SETBP1: variants seen among roughly 807,000 people sequenced by gnomAD.
SETBP1 encodes the protein SET-binding protein.
Under a neutral mutation model 101.0 loss-of-function variants are expected in SETBP1, and 9 were observed. The observed-to-expected ratio is 0.09, with a 90% confidence interval of 0.05 to 0.16. The LOEUF (loss-of-function observed/expected upper bound fraction) is 0.16, where lower values mean the gene tolerates loss of function less well. Ranked by LOEUF, SETBP1 falls within the 10% of genes least tolerant of loss-of-function variation. SETBP1 has a pLI of 1.00. For missense variants in SETBP1, 1,858 were observed against 2,033.8 expected (o/e 0.91, Z 1.66); for synonymous variants, 818 against 788.5 (o/e 1.04, Z -0.63).
At chr18:44,790,522 C>A in intron 2 of SETBP1, among the ~76,000 whole-genome samples, 1 of 152,182 alleles carries the variant, frequency 6.6e-6, no homozygotes, top group Non-Finnish European at 1.5e-5. Context: ...AACTGAGAAC[C>A]TTACTCCTTT....
At chr18:44,966,024 G>T (rs2071713897) in intron 4 of SETBP1, among the ~76,000 whole-genome samples, 1 of 152,170 alleles carries the variant, frequency 6.6e-6, no homozygotes, top group South Asian at 2.1e-4. Flanking sequence ...ATCAAACAAA[G>T]CTCGATTGCA....
intron 5 of SETBP1, among the ~76,000 whole-genome samples, chr18:45,039,393 G>T (rs1283862568): frequency 1.3e-5 from 2 of 152,112 alleles, no homozygotes; most frequent in East Asian, 3.9e-4. Context: ...CAGGCCTTGG[G>T]TTTGGCTTAA....
chr18:44,758,507 C>T (rs1236354085), intron 2 of SETBP1, among the ~76,000 whole-genome samples: 4 of 151,942 alleles, frequency 2.6e-5, no homozygotes, highest in South Asian at 4.2e-4. Flanking sequence ...CTCAGCCTCC[C>T]GAGTAGCTGG....
chr18:44,737,787 G>A (rs2070003016), intron 2 of SETBP1, among the ~76,000 whole-genome samples: 1 of 152,226 alleles, frequency 6.6e-6, no homozygotes, highest in African/African-American at 2.4e-5. Flanking sequence ...CCTTAGAAGT[G>A]TAGTTGTGTT....
chr18:44,716,717 C>T (rs565913720), intron 2 of SETBP1, among the ~76,000 whole-genome samples: 2 of 152,270 alleles, frequency 1.3e-5, no homozygotes, highest in South Asian at 4.1e-4. Flanking sequence ...CATTTGCCAC[C>T]ATGCCCGGCT....
At chr18:45,059,105 C>T (rs949325360) in intron 5 of SETBP1, among the ~76,000 whole-genome samples, 3 of 152,068 alleles carry the variant, frequency 2.0e-5, no homozygotes, top group African/African-American at 7.2e-5. Flanking sequence ...CAGACATATA[C>T]CAAAGTAGAC....
intron 2 of SETBP1, among the ~76,000 whole-genome samples, chr18:44,847,504 G>A (rs903404239): frequency 3.3e-5 from 5 of 152,208 alleles, no homozygotes; most frequent in Non-Finnish European, 7.3e-5. Context: ...GTGTGAGGAA[G>A]TGGGAATGGC....
chr18:44,794,501 G>A (rs62090586), intron 2 of SETBP1, among the ~76,000 whole-genome samples: 9,097 of 152,222 alleles, frequency 0.06, 367 homozygotes, highest in East Asian at 0.14. Flanking sequence ...CAATGAGATC[G>A]TAATTCAGAG....
intron 4 of SETBP1, among the ~76,000 whole-genome samples, chr18:45,001,105 C>G (rs886778688): frequency 2.6e-5 from 4 of 152,156 alleles, no homozygotes; most frequent in Admixed American, 2.6e-4. Context: ...TCCTCCGAAT[C>G]CAACACACTA....
In SETBP1 at chr18:44,840,115, C is replaced by G. The variant is rs375783328; in HGVS notation, c.487-29115C>G. Among the ~76,000 whole-genome samples, 75 of 151,142 alleles carry G rather than the reference C, an allele frequency of 5.0e-4. No homozygotes were observed. In the South Asian group the frequency reaches 5.2e-3, roughly 10 times the overall value. On this transcript the variant is annotated intron_variant, in intron 2 of 5. Coordinates refer to ENST00000649279, the MANE Select transcript of SETBP1 (RefSeq NM_015559.3). ...TGTTCATGATTTAGGGACAGAGCAC[C>G]CTGCACCCTGCCATGTGTACACTTC... is the stretch of plus-strand genomic sequence containing the variant.
intron 2 of SETBP1, among the ~76,000 whole-genome samples, chr18:44,851,108 G>C (rs1040842576): frequency 6.6e-6 from 1 of 152,094 alleles, no homozygotes; most frequent in Non-Finnish European, 1.5e-5. Flanking sequence ...GGCACATATT[G>C]TCATCATCAT....
chr18:44,873,664 G>T (rs542666807), intron 3 of SETBP1, among the ~76,000 whole-genome samples: 1 of 152,232 alleles, frequency 6.6e-6, no homozygotes, highest in African/African-American at 2.4e-5. Flanking sequence ...TTTAATTGTG[G>T]AGCCTCAGAG....
At chr18:44,710,773 A>G (rs1203209155) in intron 2 of SETBP1, among the ~76,000 whole-genome samples, 1 of 152,186 alleles carries the variant, frequency 6.6e-6, no homozygotes, top group Non-Finnish European at 1.5e-5. Flanking sequence ...TATCTGCAAT[A>G]AACTAAAAAT....
chr18:44,713,405 G>C (rs1437863017), intron 2 of SETBP1, among the ~76,000 whole-genome samples: 1 of 152,108 alleles, frequency 6.6e-6, no homozygotes, highest in Non-Finnish European at 1.5e-5. Flanking sequence ...ATTGCACTAG[G>C]CATCCCTTTT....
intron 3 of SETBP1, among the ~76,000 whole-genome samples, chr18:44,895,977 C>T (rs1421393600): frequency 6.6e-6 from 1 of 152,152 alleles, no homozygotes; most frequent in Non-Finnish European, 1.5e-5. Flanking sequence ...TCACCCCACC[C>T]TCCTTACACA....
chr18:45,055,656 A>C (rs1052302037), intron 5 of SETBP1, among the ~76,000 whole-genome samples: 1 of 152,192 alleles, frequency 6.6e-6, no homozygotes, highest in African/African-American at 2.4e-5. Flanking sequence ...TTTCACATAC[A>C]CGTAGATTCA....
intron 3 of SETBP1, among the ~76,000 whole-genome samples, chr18:44,910,214 C>T (rs1389701792): frequency 6.6e-6 from 1 of 152,282 alleles, no homozygotes; most frequent in East Asian, 1.9e-4. Context: ...CTCCTATGGC[C>T]TTCATGATGT....
chr18:44,833,404 G>T (rs765587916), intron 2 of SETBP1, among the ~76,000 whole-genome samples: 3 of 152,168 alleles, frequency 2.0e-5, no homozygotes, highest in African/African-American at 4.8e-5. Flanking sequence ...TGACCAGAGG[G>T]TTGGAAGAAT....
intron 2 of SETBP1, among the ~76,000 whole-genome samples, chr18:44,802,771 G>T (rs1204006433): frequency 3.9e-5 from 6 of 152,130 alleles, no homozygotes; most frequent in Non-Finnish European, 8.8e-5. Context: ...GGTCAAGCAT[G>T]GCTTTCTCAA....
Sources: gnomAD v4.1 joint callset for allele counts (sites outside exome capture counted in the v4.1 genomes callset) on GRCh38, gnomAD v4.1.1 for gene constraint, MANE v1.5 for transcripts, NCBI Gene and HGNC (gene_info 2026-07-23, HGNC 2026-07-21) for gene names.